Variants in NCALD observed in about 807,000 individuals in gnomAD.
NCALD encodes the protein neurocalcin-delta.
In NCALD, 10 loss-of-function variants were observed where a neutral mutation model predicts 18.6. The ratio of observed to expected loss-of-function variants is 0.54; its 90% CI spans 0.33 to 0.91. The LOEUF (loss-of-function observed/expected upper bound fraction) is 0.91. Among genes scored for constraint, NCALD ranks in the 40% least tolerant of loss-of-function variants. The pLI is 0.03. For missense variants in NCALD, 184 were observed against 247.6 expected (o/e 0.74, Z 1.72); for synonymous variants, 88 against 87.4 (o/e 1.01, Z -0.04).
At chr8:101,952,553 G>A (rs1002682622) in intron 2 of NCALD, among the ~76,000 whole-genome samples, 1 of 152,202 alleles carries the variant, frequency 6.6e-6, no homozygotes, top group African/African-American at 2.4e-5. Flanking sequence ...CCCCAGGCCT[G>A]TTGTCCCCTG....
intron 2 of NCALD, among the ~76,000 whole-genome samples, chr8:102,002,075 G>C (rs943563503): frequency 1.3e-5 from 2 of 152,140 alleles, no homozygotes; most frequent in Admixed American, 6.5e-5. Flanking sequence ...AAAAGACACA[G>C]ACTGGCAAAT....
intron 4 of NCALD, among the ~76,000 whole-genome samples, chr8:101,809,315 C>A (rs943173603): frequency 1.3e-5 from 2 of 152,248 alleles, no homozygotes; most frequent in African/African-American, 4.8e-5. Flanking sequence ...TTTCACCCTG[C>A]CTGCCTGCCT....
At chr8:102,057,648 G>A (rs991514883) in intron 1 of NCALD, among the ~76,000 whole-genome samples, 1 of 152,180 alleles carries the variant, frequency 6.6e-6, no homozygotes, top group South Asian at 2.1e-4. Flanking sequence ...CTTTCACTAT[G>A]TGACCATATG....
In NCALD at chr8:101,802,784, G is replaced by A. The variant is rs114848441; in HGVS notation, c.-19-83136C>T. On this transcript the variant is annotated intron_variant, in intron 4 of 6. Transcript: ENST00000311028. ...CTAGCAAAGGTTCATGAAGTTTAAGGAAAGAAGCCATCTCCATAACATAAA... is the reference window on the plus strand; with the variant it reads ...CTAGCAAAGGTTCATGAAGTTTAAGAAAAGAAGCCATCTCCATAACATAAA... Among the ~76,000 whole-genome samples the A allele has an allele frequency of 2.5e-3, 367 of 148,758 alleles. 1 individual carries two copies. The highest frequency in any genetic ancestry group is 8.7e-3 in the African/African-American group (350 of 40,380).
At chr8:101,970,505 A>G (rs117631738) in intron 2 of NCALD, among the ~76,000 whole-genome samples, 3,088 of 152,288 alleles carry the variant, frequency 0.02, 33 homozygotes, top group South Asian at 0.03. Flanking sequence ...AAAAAGCTCT[A>G]TCTACTCCAA....
In NCALD at chr8:101,922,330, G is replaced by T. The variant is rs191712139; in HGVS notation, c.-156-6472C>A. Among the ~76,000 whole-genome samples the T allele has an allele frequency of 7.6e-4, 116 of 152,284 alleles. 1 individual carries two copies. Among genetic ancestry groups the T allele is most frequent in the African/African-American group, 2.1e-3 (88 of 41,566 alleles). ...ATTAAATACCAAGCTACTTGGTGAT[G>T]TGTAAGACAACTGGGTGAGACCAAG... On this transcript the variant is annotated intron_variant, in intron 2 of 6. Coordinates refer to the NCALD transcript ENST00000311028.
At chr8:102,102,268 G>A (rs566099277) in intron 1 of NCALD, among the ~76,000 whole-genome samples, 5 of 152,194 alleles carry the variant, frequency 3.3e-5, no homozygotes, top group South Asian at 4.2e-4. Context: ...CACAATTAAC[G>A]CTCCACCCAA....
chr8:102,032,488 A>G (rs941667751), intron 1 of NCALD, among the ~76,000 whole-genome samples: 1 of 152,154 alleles, frequency 6.6e-6, no homozygotes, highest in Non-Finnish European at 1.5e-5. Flanking sequence ...GCAGAACTTC[A>G]TAACACATCT....
intron 1 of NCALD, chr8:101,788,790 C>T (rs908818714): frequency 3.9e-5 from 6 of 152,152 alleles, no homozygotes; most frequent in Non-Finnish European, 8.8e-5. Flanking sequence ...TCGTTCCTTG[C>T]CAGCATCTTT....
chr8:101,703,267 A>G (rs1189617919), intron 2 of NCALD, among the ~76,000 whole-genome samples: 3 of 151,652 alleles, frequency 2.0e-5, no homozygotes, highest in Admixed American at 2.0e-4. Context: ...TGTCTTATTC[A>G]TCTTTGTATG....
intron 3 of NCALD, among the ~76,000 whole-genome samples, chr8:101,897,789 G>T (rs1457513906): frequency 6.6e-6 from 1 of 152,152 alleles, no homozygotes; most frequent in Non-Finnish European, 1.5e-5. Flanking sequence ...GCATTGCATG[G>T]TAATTCCATT....
At chr8:101,767,946 A>G (rs1811418506) in intron 1 of NCALD, among the ~76,000 whole-genome samples, 1 of 152,220 alleles carries the variant, frequency 6.6e-6, no homozygotes, top group Non-Finnish European at 1.5e-5. Flanking sequence ...GGCAACAGCT[A>G]TATGTCAGGC....
chr8:102,005,633 T>C (rs1220736361), intron 2 of NCALD, among the ~76,000 whole-genome samples: 1 of 152,110 alleles, frequency 6.6e-6, no homozygotes, highest in Non-Finnish European at 1.5e-5. Context: ...AACCCAAATG[T>C]CCAACAATGA....
chr8:101,957,358 C>T (rs1365712159), intron 2 of NCALD, among the ~76,000 whole-genome samples: 1 of 106,152 alleles, frequency 9.4e-6, no homozygotes, highest in Non-Finnish European at 1.8e-5. Flanking sequence ...TGAAGATAAA[C>T]AAGAAGTTGC....
intron 1 of NCALD, among the ~76,000 whole-genome samples, chr8:102,067,326 G>A (rs747640365): frequency 2.6e-5 from 4 of 152,180 alleles, no homozygotes; most frequent in Non-Finnish European, 5.9e-5. Flanking sequence ...CCTGTGTCAA[G>A]ATATCAAACT....
chr8:101,970,349 G>A (rs1172758148), intron 2 of NCALD, among the ~76,000 whole-genome samples: 1 of 152,018 alleles, frequency 6.6e-6, no homozygotes, highest in Non-Finnish European at 1.5e-5. Flanking sequence ...ATTGCATTGT[G>A]TATTATTGCA....
chr8:101,927,023 C>T (rs574641448), intron 2 of NCALD, among the ~76,000 whole-genome samples: 2 of 152,266 alleles, frequency 1.3e-5, no homozygotes, highest in East Asian at 3.9e-4. Context: ...CAGACACTGG[C>T]CCTGTTCTCC....
At position 101,747,710 on chromosome 8, in the gene NCALD, G is replaced by A. The variant is rs1456522611; in HGVS notation, c.-19-28062C>T. Among the ~76,000 whole-genome samples the A allele has an allele frequency of 4.6e-5, 7 of 151,448 alleles. No homozygotes were observed. In the South Asian group the frequency reaches 1.1e-3, roughly 23 times the overall value. ...GTTCCCTTTTTACACTGAGCTTGAG[G>A]AAAAGTGATTTTTTTTTTTTTTTTG... is the stretch of plus-strand genomic sequence containing the variant. On this transcript the variant is annotated intron_variant, in intron 1 of 3. Coordinates refer to ENST00000220931, the MANE Select transcript of NCALD (RefSeq NM_032041.3).
rs568157455 is a variant in NCALD, at chr8:102,049,176, G to A, written c.-209-28887C>T. Among the ~76,000 whole-genome samples, 39 of 152,270 alleles carry A rather than the reference G, an allele frequency of 2.6e-4. 1 individual carries two copies. The highest frequency in any genetic ancestry group is 7.9e-4 in the African/African-American group (33 of 41,548). Reference sequence around the variant, plus strand: ...AGTAGCCATCTGTATCCATAGGTCCGCATCTGCAGTTTCAACTAACATCTG... The same window carrying A: ...AGTAGCCATCTGTATCCATAGGTCCACATCTGCAGTTTCAACTAACATCTG... On this transcript the variant is annotated intron_variant, in intron 1 of 6. Coordinates refer to the NCALD transcript ENST00000311028.
Sources: gnomAD v4.1 joint callset for allele counts (sites outside exome capture counted in the v4.1 genomes callset) on GRCh38, gnomAD v4.1.1 for gene constraint, MANE v1.5 for transcripts, NCBI Gene and HGNC (gene_info 2026-07-23, HGNC 2026-07-21) for gene names.